The following MYO3B variants were observed in gnomAD, a reference collection of about 807,000 sequenced individuals.
MYO3B encodes the protein myosin IIIB.
In MYO3B, 156 loss-of-function variants were observed where a neutral mutation model predicts 174.6. That is an observed-to-expected ratio of 0.89 (90% CI 0.78 to 1.02). The LOEUF (loss-of-function observed/expected upper bound fraction) is 1.02. Ranked by LOEUF, MYO3B falls within the 50% of genes least tolerant of loss-of-function variation. MYO3B has a pLI of 0.00. For synonymous variants in MYO3B, 563 were observed against 569.1 expected (o/e 0.99, Z 0.15); for missense variants, 1,632 against 1,639.4 (o/e 1.00, Z 0.08).
intron 6 of MYO3B, among the ~76,000 whole-genome samples, chr2:170,227,528 A>G (rs1020473256): frequency 1.3e-5 from 2 of 152,070 alleles, no homozygotes; most frequent in African/African-American, 4.8e-5. Flanking sequence ...CAAGTGATCC[A>G]CCTGTTTTGG....
chr2:170,514,815 G>A (rs549133194), intron 28 of MYO3B, 106 bp from the exon 29 acceptor site: 22 of 893,408 alleles, frequency 2.5e-5, no homozygotes, highest in East Asian at 2.3e-4. Context: ...GCCTTGAACC[G>A]TAAGAAAAGT....
At chr2:170,254,438 G>T (rs1387553597) in intron 7 of MYO3B, among the ~76,000 whole-genome samples, 1 of 152,160 alleles carries the variant, frequency 6.6e-6, no homozygotes, top group African/African-American at 2.4e-5. Flanking sequence ...GACTCGGGGG[G>T]GCGCATCTGA....
At chr2:170,526,630 C>T (rs1689020789) in intron 30 of MYO3B, among the ~76,000 whole-genome samples, 1 of 152,190 alleles carries the variant, frequency 6.6e-6, no homozygotes, top group African/African-American at 2.4e-5. Flanking sequence ...CAAATAATAA[C>T]ATTCAGAGCT....
chr2:170,362,652 G>C (rs2094170380), intron 8 of MYO3B, among the ~76,000 whole-genome samples: 1 of 152,120 alleles, frequency 6.6e-6, no homozygotes, highest in South Asian at 2.1e-4. Context: ...TGCACTCCCA[G>C]TTCTCATTTA....
At chr2:170,504,554 C>T (rs1687498894) in intron 28 of MYO3B, among the ~76,000 whole-genome samples, 1 of 152,208 alleles carries the variant, frequency 6.6e-6, no homozygotes, top group African/African-American at 2.4e-5. Context: ...TTCATGCTGT[C>T]AACCTTTTTC....
chr2:170,388,656 A>G (rs943200266), intron 14 of MYO3B, among the ~76,000 whole-genome samples: 1 of 152,128 alleles, frequency 6.6e-6, no homozygotes, highest in African/African-American at 2.4e-5. Context: ...GGGAGATGCA[A>G]GGATTGTGTT....
intron 7 of MYO3B, among the ~76,000 whole-genome samples, chr2:170,255,369 G>A (rs966565600): frequency 1.3e-5 from 2 of 152,026 alleles, no homozygotes; most frequent in Non-Finnish European, 2.9e-5. Context: ...CTCCCTGCCC[G>A]GAGCACTGCT....
chr2:170,256,750 A>G (rs1264707237), intron 7 of MYO3B, among the ~76,000 whole-genome samples: 4 of 152,150 alleles, frequency 2.6e-5, no homozygotes, highest in Admixed American at 6.5e-5. Flanking sequence ...AAAACCTCAC[A>G]TAACAATATT....
In MYO3B at chr2:170,524,507, G is replaced by A. The variant is rs145293561; in HGVS notation, c.3575+4967G>A. On this transcript the variant is annotated intron_variant, in intron 30 of 34. Transcript: ENST00000408978. The stretch of plus-strand genomic sequence containing the variant: ...TGGTTTTGTTTTTGTTTTTTGAGAT[G>A]GAGTTTCACTCTGTTGCTCAGGCTG... 186 of 449,142 alleles carry A rather than the reference G, an allele frequency of 4.1e-4. No homozygotes were observed. In the Admixed American group the frequency reaches 4.4e-3, roughly 11 times the overall value. The allele number at this position is 449,142 out of a possible 1,614,324, so 27.8% of individuals were successfully genotyped here. A position where few individuals can be genotyped will look rare whatever the true frequency, so the allele number is the denominator to read the frequency against.
rs114326071 is a variant in MYO3B at position 170,232,768 on chromosome 2, G to A, written c.604-3223G>A. 4.1e-3 allele frequency among the ~76,000 whole-genome samples: 626 copies of A among 152,228 alleles called. 7 individuals carry two copies. Among genetic ancestry groups the A allele is most frequent in the African/African-American group, 0.014 (590 of 41,526 alleles). Reference sequence around the variant, plus strand: ...GTGTATTTGACTTTCTCTTCCCAGGGCCTACTATCATGCCAGACTAATGAG... The same window carrying A: ...GTGTATTTGACTTTCTCTTCCCAGGACCTACTATCATGCCAGACTAATGAG... On this transcript the variant is annotated intron_variant, in intron 6 of 34. Coordinates refer to ENST00000408978, the MANE Select transcript of MYO3B (RefSeq NM_138995.5).
chr2:170,570,907 A>G (rs1692398380), intron 32 of MYO3B, among the ~76,000 whole-genome samples: 1 of 152,158 alleles, frequency 6.6e-6, no homozygotes, highest in East Asian at 1.9e-4. Context: ...GTGTGGTGCT[A>G]GGAATGTAGA....
At chr2:170,268,591 G>C (rs573459808) in intron 7 of MYO3B, among the ~76,000 whole-genome samples, 8 of 152,182 alleles carry the variant, frequency 5.3e-5, no homozygotes, top group African/African-American at 1.9e-4. Flanking sequence ...AAACTTGGGG[G>C]CTAGAAGGGA....
intron 6 of MYO3B, among the ~76,000 whole-genome samples, chr2:170,221,748 T>TTA (rs1553564445): frequency 9.9e-5 from 15 of 151,584 alleles, no homozygotes; most frequent in Admixed American, 2.6e-4. Context: ...AATTTTTTTT[T>TTA]AAAAGATGGG....
chr2:170,497,861 C>T (rs761357968), intron 25 of MYO3B, among the ~76,000 whole-genome samples: 14 of 148,262 alleles, frequency 9.4e-5, no homozygotes, highest in Non-Finnish European at 1.2e-4. Flanking sequence ...AGGAGAATCG[C>T]TTGAACCCAT....
At chr2:170,193,930 A>G (rs2092570094) in intron 1 of MYO3B, among the ~76,000 whole-genome samples, 1 of 152,142 alleles carries the variant, frequency 6.6e-6, no homozygotes, top group South Asian at 2.1e-4. Flanking sequence ...TAATTTGATT[A>G]TTTACTTTTA....
chr2:170,384,734 T>C (rs1156889058), intron 12 of MYO3B, among the ~76,000 whole-genome samples: 1 of 152,252 alleles, frequency 6.6e-6, no homozygotes, highest in East Asian at 1.9e-4. Context: ...CACTGTGTTG[T>C]CTTTTTTGAC....
chr2:170,648,653 T>G (rs1383671893), intron 32 of MYO3B, among the ~76,000 whole-genome samples: 4 of 85,440 alleles, frequency 4.7e-5, no homozygotes, highest in African/African-American at 8.8e-5. Context: ...ATATTCTATA[T>G]AATATATATT....
chr2:170,435,312 G>A (rs79901654), intron 22 of MYO3B, among the ~76,000 whole-genome samples: 1 of 152,316 alleles, frequency 6.6e-6, no homozygotes, highest in East Asian at 1.9e-4. Flanking sequence ...TCCAGGGCTG[G>A]TGGAAACAGC....
chr2:170,258,125 A>C (rs1266536180), intron 7 of MYO3B, among the ~76,000 whole-genome samples: 1 of 152,182 alleles, frequency 6.6e-6, no homozygotes, highest in African/African-American at 2.4e-5. Context: ...ATGGATTCCC[A>C]GCTGAATTCT....
Sources: allele counts gnomAD v4.1 joint callset (sites outside exome capture counted in the v4.1 genomes callset), GRCh38; gene constraint gnomAD v4.1.1; transcripts MANE v1.5; gene names NCBI Gene and HGNC (gene_info 2026-07-23, HGNC 2026-07-21).